SUPT3H: variants seen among roughly 807,000 people sequenced by gnomAD.
SUPT3H encodes SPT3 homolog, SAGA and STAGA complex component, also known as transcription initiation protein SPT3 homolog.
In SUPT3H, 44 loss-of-function variants were observed where a neutral mutation model predicts 44.3. The observed-to-expected ratio is 0.99, with a 90% CI of 0.78 to 1.28. SUPT3H has a LOEUF of 1.28. Among genes scored for constraint, SUPT3H ranks in the 50% most tolerant of loss-of-function variants. The pLI is 0.00. For missense variants in SUPT3H, 380 were observed against 387.1 expected (o/e 0.98, Z 0.15); for synonymous variants, 124 against 125.6 (o/e 0.99, Z 0.09).
intron 3 of SUPT3H, among the ~76,000 whole-genome samples, chr6:45,059,019 A>C (rs1379183718): frequency 9.2e-5 from 14 of 152,140 alleles, no homozygotes. Context: ...TAGGTGTAAG[A>C]TAGGAAGCAT....
At chr6:44,857,128 G>A (rs1016258078) in intron 10 of SUPT3H, among the ~76,000 whole-genome samples, 6 of 151,998 alleles carry the variant, frequency 3.9e-5, no homozygotes, top group Non-Finnish European at 8.8e-5. Flanking sequence ...ATATTAATTG[G>A]TAAATTTTCT....
intron 3 of SUPT3H, among the ~76,000 whole-genome samples, chr6:45,068,544 C>T (rs1258459071): frequency 1.3e-5 from 2 of 152,070 alleles, no homozygotes; most frequent in Middle Eastern, 3.4e-3. Flanking sequence ...TTTCTGAAAT[C>T]GGTACTAATA....
At chr6:44,994,903 T>C (rs895738252) in intron 6 of SUPT3H, among the ~76,000 whole-genome samples, 11 of 151,868 alleles carry the variant, frequency 7.2e-5, no homozygotes, top group African/African-American at 2.2e-4. Context: ...AACCTTTCCC[T>C]AGCTGCTTAA....
At chr6:44,914,445 C>T (rs962314089) in intron 10 of SUPT3H, among the ~76,000 whole-genome samples, 1 of 152,260 alleles carries the variant, frequency 6.6e-6, no homozygotes, top group East Asian at 1.9e-4. Context: ...TACATAACTA[C>T]CCACTGAACA....
intron 6 of SUPT3H, among the ~76,000 whole-genome samples, chr6:44,985,670 A>G (rs559477960): frequency 6.6e-6 from 1 of 152,320 alleles, no homozygotes; most frequent in South Asian, 2.1e-4. Flanking sequence ...CTGAAAGCAT[A>G]AAGTTGGTCT....
intron 10 of SUPT3H, among the ~76,000 whole-genome samples, chr6:44,925,441 G>C (rs1195878246): frequency 6.6e-6 from 1 of 152,148 alleles, no homozygotes; most frequent in East Asian, 1.9e-4. Flanking sequence ...CTGATAACAT[G>C]CAAGTTCAGA....
chr6:45,331,279 G>A (rs886243829), intron 2 of SUPT3H, among the ~76,000 whole-genome samples: 5 of 152,014 alleles, frequency 3.3e-5, no homozygotes, highest in Non-Finnish European at 5.9e-5. Flanking sequence ...AATCACAGAT[G>A]TGACTCATAG....
intron 2 of SUPT3H, among the ~76,000 whole-genome samples, chr6:45,111,527 CCCT>C (rs1800058892): frequency 1.5e-5 from 2 of 129,452 alleles, no homozygotes; most frequent in African/African-American, 5.7e-5. Flanking sequence ...ATTCCCCCCT[CCCT>C]CCCCCCCGCA....
intron 11 of SUPT3H, among the ~76,000 whole-genome samples, chr6:44,821,493 C>T (rs1767313099): frequency 6.6e-6 from 1 of 152,084 alleles, no homozygotes; most frequent in Non-Finnish European, 1.5e-5. Context: ...TTTCAATTTT[C>T]ATTATATGTG....
intron 2 of SUPT3H, among the ~76,000 whole-genome samples, chr6:45,136,219 C>G (rs1015116400): frequency 1.3e-5 from 2 of 152,056 alleles, no homozygotes; most frequent in African/African-American, 2.4e-5. Context: ...AAGAAAAACC[C>G]AGAAAGTCAA....
rs549648104 is a variant in SUPT3H at position 44,832,337 on chromosome 6, TA to T, written c.913-2481del. On this transcript the variant is annotated intron_variant, in intron 10 of 10. Transcript: ENST00000371459. ...CTCATGGAATACTTTGTATCCCACTTACTTTCTTCTGTCAGACCCTATGAAT... is the reference window on the plus strand; with the variant it reads ...CTCATGGAATACTTTGTATCCCACTTCTTTCTTCTGTCAGACCCTATGAAT... 2.0e-5 allele frequency among the ~76,000 whole-genome samples: 3 copies of T among 152,318 alleles called. No homozygotes were observed. The South Asian group carries it at 6.2e-4, about 32-fold the overall frequency.
At position 45,364,276 on chromosome 6, in the gene SUPT3H, AAAGT is replaced by A. The variant is rs1581925405; in HGVS notation, c.101+921_101+924del. On this transcript the variant is annotated intron_variant, in intron 2 of 10. Transcript: ENST00000371459. Reference sequence around the variant, plus strand: ...GAACTAAGTGTTTTCAATATTGTATAAAGTAAGTTGATCATGCAATTATAAGACA... The same window carrying A: ...GAACTAAGTGTTTTCAATATTGTATAAAGTTGATCATGCAATTATAAGACA... Among the ~76,000 whole-genome samples the A allele has an allele frequency of 5.9e-5, 9 of 152,308 alleles. No individual in the cohort carries two copies. The East Asian group carries it at 1.7e-3, about 29-fold the overall frequency.
chr6:45,180,671 A>G (rs1812983175), intron 2 of SUPT3H, among the ~76,000 whole-genome samples: 1 of 152,162 alleles, frequency 6.6e-6, no homozygotes, highest in South Asian at 2.1e-4. Flanking sequence ...CCATATGTAG[A>G]AAGCTGAAAC....
chr6:44,966,265 G>A (rs1269356853), intron 6 of SUPT3H, among the ~76,000 whole-genome samples: 2 of 151,908 alleles, frequency 1.3e-5, no homozygotes, highest in South Asian at 2.1e-4. Context: ...AATATCATAA[G>A]CCTAGTAAAA....
chr6:45,073,141 T>A (rs1235475726), intron 3 of SUPT3H, among the ~76,000 whole-genome samples: 1 of 152,100 alleles, frequency 6.6e-6, no homozygotes, highest in East Asian at 1.9e-4. Context: ...CTTCATTATC[T>A]ACGCTGAAGA....
At chr6:45,233,438 C>T (rs1304393258) in intron 2 of SUPT3H, among the ~76,000 whole-genome samples, 1 of 152,188 alleles carries the variant, frequency 6.6e-6, no homozygotes, top group Non-Finnish European at 1.5e-5. Context: ...AGTCTAATGC[C>T]TTGGTGAGGT....
At chr6:45,181,367 T>C (rs1463329294) in intron 2 of SUPT3H, among the ~76,000 whole-genome samples, 1 of 151,752 alleles carries the variant, frequency 6.6e-6, no homozygotes, top group Non-Finnish European at 1.5e-5. Flanking sequence ...CATTACTGGG[T>C]ATATACCCAA....
At chr6:45,332,898 T>C (rs1787793630) in intron 2 of SUPT3H, among the ~76,000 whole-genome samples, 1 of 151,716 alleles carries the variant, frequency 6.6e-6, no homozygotes, top group African/African-American at 2.4e-5. Flanking sequence ...ATACGTTACC[T>C]TAATGTACTA....
chr6:45,253,772 A>C (rs896811491), intron 2 of SUPT3H, among the ~76,000 whole-genome samples: 8 of 151,038 alleles, frequency 5.3e-5, no homozygotes, highest in African/African-American at 1.9e-4. Flanking sequence ...GAGGCAACAG[A>C]CCAAGACCCT....
Sources: gnomAD v4.1 joint callset for allele counts (sites outside exome capture counted in the v4.1 genomes callset) on GRCh38, gnomAD v4.1.1 for gene constraint, MANE v1.5 for transcripts, NCBI Gene and HGNC (gene_info 2026-07-23, HGNC 2026-07-21) for gene names.